BTBD9: variants seen among roughly 807,000 people sequenced by gnomAD.
BTBD9 encodes BTB domain containing 9, also known as BTB/POZ domain-containing protein 9.
BTBD9 carries 49 observed loss-of-function variants against 64.3 expected under a neutral mutation model. The ratio of observed to expected loss-of-function variants is 0.76; its 90% CI spans 0.61 to 0.97. BTBD9 has a LOEUF of 0.97. Among genes scored for constraint, BTBD9 ranks in the 50% least tolerant of loss-of-function variants. BTBD9 has a pLI of 0.00. For synonymous variants in BTBD9, 260 were observed against 274.7 expected, an observed-to-expected ratio of 0.95 and a Z score of 0.53; for missense variants, 598 against 762.1, an observed-to-expected ratio of 0.78 and a Z score of 2.53.
At chr6:38,471,337 C>A (rs1367011386) in intron 6 of BTBD9, among the ~76,000 whole-genome samples, 1 of 152,128 alleles carries the variant, frequency 6.6e-6, no homozygotes, top group East Asian at 1.9e-4. Context: ...GTGATGCTTC[C>A]ATCAAAGCAA....
At chr6:38,245,604 C>G (rs1031316435) in intron 9 of BTBD9, among the ~76,000 whole-genome samples, 12 of 152,100 alleles carry the variant, frequency 7.9e-5, no homozygotes, top group Non-Finnish European at 1.8e-4. Context: ...CAGAGAGCAG[C>G]AGGAAGCAGT....
At chr6:38,495,540 C>A (rs949766410) in intron 6 of BTBD9, among the ~76,000 whole-genome samples, 5 of 152,198 alleles carry the variant, frequency 3.3e-5, no homozygotes, top group South Asian at 2.1e-4. Context: ...TGGAAGCAAA[C>A]ACACTGAATT....
intron 9 of BTBD9, among the ~76,000 whole-genome samples, chr6:38,236,017 C>G (rs2127520705): frequency 6.6e-6 from 1 of 152,258 alleles, no homozygotes; most frequent in Middle Eastern, 3.4e-3. Flanking sequence ...GCGTATGGGA[C>G]AGGACATCAG....
intron 9 of BTBD9, among the ~76,000 whole-genome samples, chr6:38,222,877 A>G (rs1396819226): frequency 1.3e-5 from 2 of 152,104 alleles, no homozygotes; most frequent in South Asian, 2.1e-4. Flanking sequence ...GAAGTTTCGA[A>G]CCTGAGTTTA....
chr6:38,493,573 T>C (rs977234506), intron 6 of BTBD9, among the ~76,000 whole-genome samples: 9 of 152,334 alleles, frequency 5.9e-5, no homozygotes, highest in African/African-American at 2.2e-4. Flanking sequence ...ACATTCATTT[T>C]GGAATAATAA....
chr6:38,338,845 G>T (rs907628507), intron 7 of BTBD9, among the ~76,000 whole-genome samples: 3 of 152,130 alleles, frequency 2.0e-5, no homozygotes, highest in Admixed American at 1.3e-4. Flanking sequence ...AATGCAAATG[G>T]CCCTTAAACA....
intron 6 of BTBD9, among the ~76,000 whole-genome samples, chr6:38,552,668 G>C (rs891742753): frequency 1.3e-5 from 2 of 151,664 alleles, no homozygotes; most frequent in Non-Finnish European, 2.9e-5. Flanking sequence ...TCGGGAGGCT[G>C]AGGTAGGAGA....
intron 6 of BTBD9, among the ~76,000 whole-genome samples, chr6:38,575,760 C>T (rs548030439): frequency 1.3e-5 from 2 of 152,150 alleles, no homozygotes; most frequent in African/African-American, 2.4e-5. Flanking sequence ...TTCTTGTTAT[C>T]ATTATCACTA....
intron 7 of BTBD9, among the ~76,000 whole-genome samples, chr6:38,301,863 G>T (rs975799692): frequency 1.3e-5 from 2 of 151,942 alleles, no homozygotes; most frequent in Admixed American, 1.3e-4. Flanking sequence ...ATTTCCTTCA[G>T]TTCTGCTCTG....
At chr6:38,601,072 G>A (rs550601644) in intron 1 of BTBD9, among the ~76,000 whole-genome samples, 18 of 152,170 alleles carry the variant, frequency 1.2e-4, no homozygotes, top group African/African-American at 4.1e-4. Flanking sequence ...AGATGCTCGA[G>A]TCCCACTCAT....
At chr6:38,507,383 C>G (rs1388532625) in intron 6 of BTBD9, among the ~76,000 whole-genome samples, 1 of 152,196 alleles carries the variant, frequency 6.6e-6, no homozygotes, top group African/African-American at 2.4e-5. Flanking sequence ...CTCAGCAATT[C>G]TTCAACCCCT....
chr6:38,219,694 TC>T (rs1159071232), intron 9 of BTBD9, among the ~76,000 whole-genome samples: 1 of 152,210 alleles, frequency 6.6e-6, no homozygotes, highest in East Asian at 1.9e-4. Flanking sequence ...TAAAATGAAC[TC>T]AGCAGTCACT....
intron 7 of BTBD9, among the ~76,000 whole-genome samples, chr6:38,317,728 C>G (rs576922198): frequency 6.6e-6 from 1 of 152,108 alleles, no homozygotes; most frequent in African/African-American, 2.4e-5. Context: ...TTTCAAACAG[C>G]CTGTCTTCAA....
In BTBD9 at chr6:38,495,500, A is replaced by AT. The variant is rs555486404; in HGVS notation, c.1154+82099dup. Among the ~76,000 whole-genome samples, 99 of 152,346 alleles carry AT rather than the reference A, an allele frequency of 6.5e-4. 1 individual carries two copies. The South Asian group carries it at 0.02, about 30-fold the overall frequency. On this transcript the variant is annotated intron_variant, in intron 6 of 10. Transcript: ENST00000481247. ...ATCTATGAAAAACCTGTCCTTCTTT[A>AT]TTATACATTAGAAGACCCAAAGATG... is the stretch of plus-strand genomic sequence containing the variant.
chr6:38,239,348 G>T (rs1347730947), intron 9 of BTBD9, among the ~76,000 whole-genome samples: 1 of 150,646 alleles, frequency 6.6e-6, no homozygotes, highest in South Asian at 2.1e-4. Flanking sequence ...GCTGAGGCAG[G>T]AGAACTGCTT....
intron 1 of BTBD9, among the ~76,000 whole-genome samples, chr6:38,623,305 T>A (rs1455368710): frequency 1.3e-5 from 2 of 152,104 alleles, no homozygotes; most frequent in Non-Finnish European, 2.9e-5. Flanking sequence ...CTCAAGTCTG[T>A]CAGCACAGGG....
At chr6:38,304,046 A>C (rs1283999005) in intron 7 of BTBD9, among the ~76,000 whole-genome samples, 1 of 150,838 alleles carries the variant, frequency 6.6e-6, no homozygotes, top group Non-Finnish European at 1.5e-5. Flanking sequence ...CAAAGTATGG[A>C]TCTACAAAAC....
At chr6:38,179,750 C>T in intron 10 of BTBD9, 1 of 456,758 alleles carries the variant, frequency 2.2e-6, no homozygotes, top group Non-Finnish European at 4.4e-6. Flanking sequence ...CTCACACAAA[C>T]AATTCTACCA....
At chr6:38,634,380 C>T (rs548595646) in intron 1 of BTBD9, among the ~76,000 whole-genome samples, 1 of 152,286 alleles carries the variant, frequency 6.6e-6, no homozygotes, top group South Asian at 2.1e-4. Context: ...ATCCATGTTT[C>T]TGTGATTATA....
Sources: allele counts gnomAD v4.1 joint callset (sites outside exome capture counted in the v4.1 genomes callset), GRCh38; gene constraint gnomAD v4.1.1; transcripts MANE v1.5; gene names NCBI Gene and HGNC (gene_info 2026-07-23, HGNC 2026-07-21).